CCSER1: variants seen among roughly 807,000 people sequenced by gnomAD.
CCSER1 encodes coiled-coil serine rich protein 1.
CCSER1 carries 41 observed loss-of-function variants against 82.0 expected under a neutral mutation model. That is an observed-to-expected ratio of 0.50 (90% CI 0.39 to 0.65). The LOEUF is 0.65. Ranked by LOEUF, CCSER1 falls within the 30% of genes least tolerant of loss-of-function variation. The probability of loss-of-function intolerance (pLI) is 0.00; values close to 1 mark genes in which losing one functional copy is unlikely to be tolerated. For missense variants in CCSER1, 1,119 were observed against 1,064.2 expected, an observed-to-expected ratio of 1.05 and a Z score of -0.72; for synonymous variants, 414 against 383.9, an observed-to-expected ratio of 1.08 and a Z score of -0.92.
chr4:91,043,292 T>G (rs1698669760), intron 9 of CCSER1, among the ~76,000 whole-genome samples: 2 of 151,824 alleles, frequency 1.3e-5, no homozygotes, highest in South Asian at 4.2e-4. Flanking sequence ...ATAATAAAAC[T>G]CCCCAAATTA....
intron 6 of CCSER1, among the ~76,000 whole-genome samples, chr4:90,674,080 T>A (rs573084492): frequency 4.5e-4 from 69 of 152,108 alleles, no homozygotes; most frequent in African/African-American, 1.6e-3. Context: ...TCCTAGGTCA[T>A]AAGACTGACA....
intron 7 of CCSER1, among the ~76,000 whole-genome samples, chr4:90,770,737 T>G (rs1751970121): frequency 6.6e-6 from 1 of 152,176 alleles, no homozygotes; most frequent in Admixed American, 6.5e-5. Flanking sequence ...CTTCATTATT[T>G]CTTTGTCTTT....
chr4:91,375,131 C>G (rs906560558), intron 10 of CCSER1, among the ~76,000 whole-genome samples: 1 of 152,154 alleles, frequency 6.6e-6, no homozygotes, highest in Non-Finnish European at 1.5e-5. Context: ...AGTCATGATT[C>G]ATGGGCAGAG....
intron 4 of CCSER1, among the ~76,000 whole-genome samples, chr4:90,413,426 C>T (rs1417346201): frequency 6.6e-6 from 1 of 152,090 alleles, no homozygotes; most frequent in Non-Finnish European, 1.5e-5. Flanking sequence ...TACCATTATT[C>T]TTTGCAGAAC....
intron 10 of CCSER1, among the ~76,000 whole-genome samples, chr4:91,320,636 A>G (rs905385074): frequency 6.6e-6 from 1 of 152,058 alleles, no homozygotes; most frequent in African/African-American, 2.4e-5. Flanking sequence ...CTGGCTCACT[A>G]GAGTACAGTA....
chr4:90,714,408 C>G (rs2149339128), intron 6 of CCSER1, among the ~76,000 whole-genome samples: 1 of 152,034 alleles, frequency 6.6e-6, no homozygotes, highest in East Asian at 1.9e-4. Flanking sequence ...GTTAATAAAA[C>G]TAGAAAACAA....
intron 5 of CCSER1, among the ~76,000 whole-genome samples, chr4:90,583,327 G>A (rs1393484705): frequency 6.6e-6 from 1 of 151,964 alleles, no homozygotes; most frequent in Non-Finnish European, 1.5e-5. Flanking sequence ...CACTACGCCT[G>A]GCTAATTTTT....
chr4:90,975,306 C>A (rs1735507163), intron 9 of CCSER1, among the ~76,000 whole-genome samples: 1 of 151,150 alleles, frequency 6.6e-6, no homozygotes, highest in Non-Finnish European at 1.5e-5. Flanking sequence ...TTGAACAATT[C>A]TGCAAATATA....
chr4:91,450,493 G>C (rs937013979), intron 10 of CCSER1, among the ~76,000 whole-genome samples: 2 of 151,854 alleles, frequency 1.3e-5, no homozygotes, highest in Non-Finnish European at 2.9e-5. Context: ...TCACACATCG[G>C]ACTATAGGTG....
chr4:91,439,025 G>T (rs571189957), intron 10 of CCSER1, among the ~76,000 whole-genome samples: 2 of 152,258 alleles, frequency 1.3e-5, no homozygotes, highest in Non-Finnish European at 2.9e-5. Flanking sequence ...TGAAAGTGAC[G>T]GGGAGAATGG....
chr4:91,030,184 A>T (rs924157579), intron 9 of CCSER1, among the ~76,000 whole-genome samples: 4 of 151,198 alleles, frequency 2.6e-5, no homozygotes, highest in African/African-American at 7.2e-5. Flanking sequence ...AGTTTATGAA[A>T]TTTTTTTTTA....
At chr4:90,663,193 A>T (rs1275457495) in intron 6 of CCSER1, among the ~76,000 whole-genome samples, 1 of 152,210 alleles carries the variant, frequency 6.6e-6, no homozygotes, top group East Asian at 1.9e-4. Flanking sequence ...ATAATAATAA[A>T]TTGTGTTAAT....
intron 10 of CCSER1, among the ~76,000 whole-genome samples, chr4:91,378,844 T>C (rs1008858025): frequency 6.6e-6 from 1 of 152,196 alleles, no homozygotes; most frequent in Non-Finnish European, 1.5e-5. Flanking sequence ...TCAAAGGGAA[T>C]GCTTCCAGTT....
At chr4:90,905,210 A>G (rs1036320656) in intron 8 of CCSER1, among the ~76,000 whole-genome samples, 9 of 152,072 alleles carry the variant, frequency 5.9e-5, no homozygotes, top group Non-Finnish European at 1.3e-4. Context: ...TCTTCTGCAT[A>G]CAACAGACAG....
chr4:91,350,676 A>T (rs1748412078), intron 10 of CCSER1, among the ~76,000 whole-genome samples: 2 of 152,098 alleles, frequency 1.3e-5, no homozygotes, highest in Non-Finnish European at 2.9e-5. Context: ...TGATAGTTTA[A>T]CATTGACAAA....
chr4:90,299,267 C>A (rs1389554642), intron 1 of CCSER1, among the ~76,000 whole-genome samples: 1 of 151,996 alleles, frequency 6.6e-6, no homozygotes, highest in East Asian at 1.9e-4. Context: ...TTATACAAAT[C>A]TAATCAGAGA....
intron 10 of CCSER1, among the ~76,000 whole-genome samples, chr4:91,195,601 T>C (rs1393843437): frequency 6.6e-6 from 1 of 152,232 alleles, no homozygotes; most frequent in Admixed American, 6.5e-5. Flanking sequence ...TTAACCTTCT[T>C]GAAACTGCTT....
intron 10 of CCSER1, among the ~76,000 whole-genome samples, chr4:91,238,979 G>A (rs1581824846): frequency 6.6e-6 from 1 of 151,730 alleles, no homozygotes; most frequent in Admixed American, 6.6e-5. Flanking sequence ...GCCCACCACC[G>A]TGCCTGGCTA....
intron 10 of CCSER1, among the ~76,000 whole-genome samples, chr4:91,353,492 G>A (rs1748619123): frequency 6.6e-6 from 1 of 152,314 alleles, no homozygotes; most frequent in Non-Finnish European, 1.5e-5. Context: ...TGGGCGTGGT[G>A]CTGGGCTGCC....
Sources: allele counts gnomAD v4.1 joint callset (sites outside exome capture counted in the v4.1 genomes callset), GRCh38; gene constraint gnomAD v4.1.1; transcripts MANE v1.5; gene names NCBI Gene and HGNC (gene_info 2026-07-23, HGNC 2026-07-21).